Variants in TMEM9 observed in about 807,000 individuals in gnomAD.
TMEM9 encodes the protein transmembrane protein 9.
Under a neutral mutation model 22.8 loss-of-function variants are expected in TMEM9, and 13 were observed. The observed-to-expected ratio is 0.57, with a 90% confidence interval of 0.37 to 0.91. The LOEUF (loss-of-function observed/expected upper bound fraction) is 0.91, where lower values mean the gene tolerates loss of function less well. Ranked by LOEUF, TMEM9 falls within the 40% of genes least tolerant of loss-of-function variation. The pLI, the probability that TMEM9 is intolerant of heterozygous loss-of-function variation, is 0.01. For missense variants in TMEM9, 182 were observed against 238.1 expected (o/e 0.76, Z 1.55); for synonymous variants, 88 against 93.0 (o/e 0.95, Z 0.31).
intron 4 of TMEM9, among the ~76,000 whole-genome samples, chr1:201,137,105 C>T (rs1457686180): frequency 6.6e-6 from 1 of 152,242 alleles, no homozygotes; most frequent in Non-Finnish European, 1.5e-5. Context: ...GGGAGCCTCC[C>T]GCCCAGGTCC....
chr1:201,159,952 T>C (rs1448663449), intron 1 of TMEM9, among the ~76,000 whole-genome samples: 2 of 149,698 alleles, frequency 1.3e-5, no homozygotes, highest in East Asian at 3.8e-4. Context: ...CTGCTCCCTC[T>C]GTTGTATTTT....
chr1:201,139,420 C>T (rs1411589180), intron 4 of TMEM9, among the ~76,000 whole-genome samples: 3 of 152,208 alleles, frequency 2.0e-5, no homozygotes, highest in Admixed American at 2.0e-4. Context: ...TGCTGCGAGG[C>T]TCTCCCTGAC....
At chr1:201,161,078 C>T (rs1399279797) in intron 1 of TMEM9, among the ~76,000 whole-genome samples, 1 of 151,966 alleles carries the variant, frequency 6.6e-6, no homozygotes, top group African/African-American at 2.4e-5. Context: ...TATGCATAAG[C>T]GTCTTTTGGT....
chr1:201,162,568 T>C (rs997287792), intron 1 of TMEM9, among the ~76,000 whole-genome samples: 6 of 148,568 alleles, frequency 4.0e-5, no homozygotes, highest in Non-Finnish European at 5.9e-5. Flanking sequence ...TGAAGTCTCA[T>C]ACCTTGTAAA....
upstream of TMEM9, among the ~76,000 whole-genome samples, chr1:201,157,386 C>G (rs370666136): frequency 6.6e-6 from 1 of 152,172 alleles, no homozygotes; most frequent in African/African-American, 2.4e-5. Flanking sequence ...CCTGGCCCCC[C>G]GGTAGCCCTT....
chr1:201,150,459 A>AAC (rs1271296486), intron 2 of TMEM9, among the ~76,000 whole-genome samples: 1 of 152,194 alleles, frequency 6.6e-6, no homozygotes, highest in South Asian at 2.1e-4. Flanking sequence ...ATACACGCAC[A>AAC]ACACACACAC....
intron 4 of TMEM9, among the ~76,000 whole-genome samples, chr1:201,140,549 G>A (rs1664433445): frequency 6.6e-6 from 1 of 152,172 alleles, no homozygotes; most frequent in East Asian, 1.9e-4. Context: ...GAGGCTGAGG[G>A]GGAGGCCTCC....
Position 201,154,010 on chromosome 1 carries a change from C to A in TMEM9, c.-87G>T. 1 of 1,486,814 alleles carries A rather than the reference C, an allele frequency of 6.7e-7. No individual in the cohort carries two copies. The highest frequency in any genetic ancestry group is 9.1e-7 in the Non-Finnish European group (1 of 1,103,426). 92.1% of individuals were successfully genotyped at this position (1,486,814 alleles called of 1,614,324 possible). On this transcript the variant is annotated 5_prime_UTR_variant, in exon 1 of 5. Transcript: ENST00000367330. ...GAAGGGGAAGGTGGCCACACCGCAG[C>A]CAGCACGCTAGGCCCTTAACCATCC... is the stretch of plus-strand genomic sequence containing the variant.
intron 1 of TMEM9, 169 bp downstream of exon 1, chr1:201,153,689 A>C: frequency 6.6e-7 from 1 of 1,504,848 alleles, no homozygotes; most frequent in Non-Finnish European, 9.0e-7. Flanking sequence ...CACTATCCTT[A>C]GGGAGGCCAG....
In TMEM9 at chr1:201,163,992, G is replaced by A. The variant is rs193141104; in HGVS notation, c.-37+7498C>T. On this transcript the variant is annotated intron_variant, in intron 1 of 5. Coordinates refer to the TMEM9 transcript ENST00000367333. The stretch of plus-strand genomic sequence containing the variant: ...GGAAACAACTCAGATGTCCTATTAT[G>A]GGTGAACAGTTAAACAAACTTCAGT... 1.4e-3 allele frequency among the ~76,000 whole-genome samples: 212 copies of A among 152,290 alleles called. 1 individual carries two copies. The highest frequency in any genetic ancestry group is 2.1e-3 in the Non-Finnish European group (146 of 68,026).
intron 4 of TMEM9, among the ~76,000 whole-genome samples, chr1:201,138,232 G>C (rs1443917427): frequency 2.0e-5 from 3 of 152,222 alleles, no homozygotes; most frequent in Non-Finnish European, 4.4e-5. Flanking sequence ...AAGCCAGGGA[G>C]AGCCCAGAGC....
chr1:201,142,760 G>A (rs575532341), intron 4 of TMEM9, among the ~76,000 whole-genome samples: 130 of 152,308 alleles, frequency 8.5e-4, no homozygotes, highest in African/African-American at 3.0e-3. Context: ...AGCCAACCCC[G>A]CCTGCCTTGG....
chr1:201,139,416 G>A lies in TMEM9; in HGVS notation c.400-3601C>T, dbSNP rs376667138. On this transcript the variant is annotated intron_variant, in intron 4 of 4. Transcript: ENST00000367330. ...CTGAGTCCCACTGCACCTCTGCTGCGAGGCTCTCCCTGACCCCTGCACGCT... is the reference window on the plus strand; with the variant it reads ...CTGAGTCCCACTGCACCTCTGCTGCAAGGCTCTCCCTGACCCCTGCACGCT... Among the ~76,000 whole-genome samples the A allele has an allele frequency of 3.1e-4, 47 of 152,302 alleles. 1 individual carries two copies. Among genetic ancestry groups the A allele is most frequent in the Admixed American group, 8.5e-4 (13 of 15,298 alleles).
At chr1:201,151,602 C>A (rs2068152) in intron 2 of TMEM9, among the ~76,000 whole-genome samples, 159 bp downstream of exon 2, 49,447 of 152,110 alleles carry the variant, frequency 0.33, 8,676 homozygotes, top group Admixed American at 0.38. Flanking sequence ...AGACAGTTGA[C>A]AACTATGAAA....
chr1:201,161,718 A>G (rs981354760), intron 1 of TMEM9, among the ~76,000 whole-genome samples: 18 of 152,226 alleles, frequency 1.2e-4, no homozygotes, highest in Non-Finnish European at 2.4e-4. Flanking sequence ...TTTGACCACA[A>G]ACTCTTTTTC....
chr1:201,135,592 C>A lies in TMEM9; in HGVS notation c.*71G>T. ...TGGAACCGAGGGAAGGGAGAAGTAG[C>A]CCCCTGCTTTGTCCAGCCTGGAAGC... On this transcript the variant is annotated 3_prime_UTR_variant, in exon 5 of 5. Transcript: ENST00000367330. 1 of 1,419,822 alleles carries A rather than the reference C, an allele frequency of 7.0e-7. No homozygotes were observed. Among genetic ancestry groups the A allele is most frequent in the Non-Finnish European group, 9.4e-7 (1 of 1,068,496 alleles). 88.0% of individuals were successfully genotyped at this position (1,419,822 alleles called of 1,614,324 possible).
intron 1 of TMEM9, among the ~76,000 whole-genome samples, chr1:201,153,530 T>A (rs540526917): frequency 1.3e-5 from 2 of 152,186 alleles, no homozygotes; most frequent in Non-Finnish European, 2.9e-5. Flanking sequence ...CAAAAATATC[T>A]GAAACAAAAC....
intron 1 of TMEM9, among the ~76,000 whole-genome samples, chr1:201,170,017 G>T (rs571875687): frequency 2.5e-3 from 274 of 108,166 alleles, no homozygotes; most frequent in Non-Finnish European, 3.3e-3. Flanking sequence ...GAAACTGACC[G>T]TTTAAGGAAA....
chr1:201,139,152 T>G (rs953126661), intron 4 of TMEM9, among the ~76,000 whole-genome samples: 13 of 152,182 alleles, frequency 8.5e-5, no homozygotes, highest in Admixed American at 7.2e-4. Context: ...GGCACTGGAC[T>G]TGGCCAAAGC....
Sources: gnomAD v4.1 joint callset for allele counts (sites outside exome capture counted in the v4.1 genomes callset) on GRCh38, gnomAD v4.1.1 for gene constraint, MANE v1.5 for transcripts, NCBI Gene and HGNC (gene_info 2026-07-23, HGNC 2026-07-21) for gene names.